Variants in CARHSP1 observed in about 807,000 individuals in gnomAD.
The protein encoded by CARHSP1 is calcium-regulated heat-stable protein 1.
In CARHSP1, 14 loss-of-function variants were observed where a neutral mutation model predicts 12.5. The observed-to-expected ratio is 1.12, with a 90% confidence interval of 0.74 to 1.75. CARHSP1 has a LOEUF of 1.75. CARHSP1 is among the 40% of genes most tolerant of loss of function. The pLI is 0.00. For synonymous variants in CARHSP1, 161 were observed against 82.0 expected (o/e 1.96, Z -5.20); for missense variants, 343 against 201.6 (o/e 1.70, Z -4.25).
intron 1 of CARHSP1, among the ~76,000 whole-genome samples, chr16:8,862,823 T>C (rs762789162): frequency 6.6e-6 from 1 of 152,250 alleles, no homozygotes; most frequent in South Asian, 2.1e-4. Context: ...ATCATCATCA[T>C]CACTGTCATT....
rs376661206 is a variant in CARHSP1 at position 8,861,517 on chromosome 16, G to A, written c.-7-2182C>T. ...TTCAAGCATAGCCACCCAAGAACCA[G>A]GCCCGACTGCTCAGAGGAGAAGGGA... is the stretch of plus-strand genomic sequence containing the variant. On this transcript the variant is annotated intron_variant, in intron 1 of 3. Transcript: ENST00000311052. 5.6e-5 allele frequency: 56 copies of A among 1,008,886 alleles called. No homozygotes were observed. In the African/African-American group the frequency reaches 8.0e-4, roughly 14 times the overall value. The allele number at this position is 1,008,886 out of a possible 1,614,324, so 62.5% of individuals were successfully genotyped here.
In CARHSP1 at chr16:8,859,351, G is replaced by GC; in HGVS notation, c.-7-17dup. 1 of 1,591,926 alleles carries GC rather than the reference G, an allele frequency of 6.3e-7. No homozygotes were observed. The highest frequency in any genetic ancestry group is 8.5e-7 in the Non-Finnish European group (1 of 1,175,970). On this transcript the variant is annotated splice_polypyrimidine_tract_variant and intron_variant, in intron 1 of 3. Transcript: ENST00000311052. ...CATGGCTGACCTGGAAAGAGAAGAG[G>GC]CTGTCAGGGGCTCGTGCCTTGCAAG...
chr16:8,859,095 C>T lies in CARHSP1; in HGVS notation c.158+76G>A. ...GTCCGGGACATAGGCCCAAAAATGG[C>T]CAGAGACACAGTGAATCTCTGGCCT... On this transcript the variant is annotated intron_variant, in intron 2 of 3. Transcript: ENST00000311052. 6 of 1,410,256 alleles carry T rather than the reference C, an allele frequency of 4.3e-6. No individual in the cohort carries two copies. The South Asian group carries it at 4.3e-5, about 10-fold the overall frequency. 87.4% of individuals were successfully genotyped at this position (1,410,256 alleles called of 1,614,324 possible). A position where few individuals can be genotyped will look rare whatever the true frequency, so the allele number is the denominator to read the frequency against.
At position 8,859,225 on chromosome 16, in the gene CARHSP1, C is replaced by A; in HGVS notation, c.104G>T (p.Arg35Leu). The A allele has an allele frequency of 1.2e-6, 2 of 1,601,246 alleles. No homozygotes were observed. The highest frequency in any genetic ancestry group is 1.7e-6 in the Non-Finnish European group (2 of 1,176,350). Residue 35 changes from arginine to leucine, a missense_variant, in exon 2 of 4, where the codon CGG becomes CTG. Transcript: ENST00000311052. ...RSRERSPSPLRGNVVPSPLPT... is the reference protein window; with the variant it reads ...RSRERSPSPLLGNVVPSPLPT... ...CAGTGGGCTTGGGACCACGTTGCCCCGCAGAGGGGATGGTGAGCGCTCACG... is the reference window on the plus strand; with the variant it reads ...CAGTGGGCTTGGGACCACGTTGCCCAGCAGAGGGGATGGTGAGCGCTCACG...
At chr16:8,868,294 C>CA (rs1481964892) in intron 1 of CARHSP1, 3 of 151,968 alleles carry the variant, frequency 2.0e-5, no homozygotes, top group Non-Finnish European at 4.4e-5. Flanking sequence ...TTTTAAAAAT[C>CA]AAAAAAGAAC....
chr16:8,868,868 G>T (rs2061487846), intron 1 of CARHSP1, 98 bp downstream of exon 1: 1 of 151,976 alleles, frequency 6.6e-6, no homozygotes, highest in African/African-American at 2.4e-5. Context: ...CAGGATGGGG[G>T]ACGATGGAGG....
In CARHSP1 at chr16:8,858,700, C is replaced by T. The variant is rs1363795355; in HGVS notation, c.159-228G>A. The T allele has an allele frequency of 5.5e-6, 3 of 541,952 alleles. No individual in the cohort carries two copies. The East Asian group carries it at 9.0e-5, about 16-fold the overall frequency. 33.6% of individuals were successfully genotyped at this position (541,952 alleles called of 1,614,324 possible). A position where few individuals can be genotyped will look rare whatever the true frequency, so the allele number is the denominator to read the frequency against. ...GGCCAATTTTCTCGGGCCTGTTTTC[C>T]CTCCTGGAAAGAGGGAGTTGAACTA... is the stretch of plus-strand genomic sequence containing the variant. On this transcript the variant is annotated intron_variant, in intron 2 of 3. Transcript: ENST00000311052.
intron 1 of CARHSP1, chr16:8,861,850 G>C: frequency 8.4e-7 from 1 of 1,191,164 alleles, no homozygotes; most frequent in Non-Finnish European, 1.1e-6. Flanking sequence ...CTGGCCCTGG[G>C]AGGGGAGGGC....
chr16:8,861,929 C>A (rs2061367531), intron 1 of CARHSP1: 1 of 510,594 alleles, frequency 2.0e-6, no homozygotes, highest in Non-Finnish European at 2.8e-6. Context: ...GAGACACTGC[C>A]CTGCCTTGTT....
intron 3 of CARHSP1, among the ~76,000 whole-genome samples, chr16:8,856,716 G>A (rs1400757365): frequency 6.6e-6 from 1 of 152,190 alleles, no homozygotes; most frequent in African/African-American, 2.4e-5. Flanking sequence ...GCTGTGCAGA[G>A]TAGGACTCTG....
chr16:8,866,082 T>C (rs2061449761), intron 1 of CARHSP1, among the ~76,000 whole-genome samples: 1 of 152,174 alleles, frequency 6.6e-6, no homozygotes, highest in African/African-American at 2.4e-5. Flanking sequence ...GCCTCCCAAG[T>C]AGCTGGGACT....
At chr16:8,860,165 C>A (rs1002902151) in intron 1 of CARHSP1, 8 of 985,336 alleles carry the variant, frequency 8.1e-6, no homozygotes, top group Non-Finnish European at 9.6e-6. Context: ...TCAAGCGCCA[C>A]GTTTGGATCC....
chr16:8,857,221 C>G (rs1469723439), intron 3 of CARHSP1, among the ~76,000 whole-genome samples: 1 of 148,994 alleles, frequency 6.7e-6, no homozygotes, highest in Admixed American at 6.8e-5. Context: ...ACCCCCAGAT[C>G]CATTTCCATC....
rs541632981 is a variant in CARHSP1, at chr16:8,857,877, T to C, written c.281+473A>G. Reference sequence around the variant, plus strand: ...CCCAGGTTCACACCATTCTCCTGCCTCAGCCTCCCGAGTAGCTGGGACTAC... The same window carrying C: ...CCCAGGTTCACACCATTCTCCTGCCCCAGCCTCCCGAGTAGCTGGGACTAC... On this transcript the variant is annotated intron_variant, in intron 3 of 3. Transcript: ENST00000311052. The C allele has an allele frequency of 5.2e-4, 81 of 156,902 alleles. No individual in the cohort carries two copies. In the Middle Eastern group the frequency reaches 0.017, roughly 33 times the overall value. The allele number at this position is 156,902 out of a possible 1,614,324, so 9.7% of individuals were successfully genotyped here.
At position 8,857,263 on chromosome 16, in the gene CARHSP1, G is replaced by GTTTTTTGTTTTTTGTTTTTTTTTTTTTTT. The variant is rs1315960023; in HGVS notation, c.281+1086_281+1087insAAAAAAAAAAAAAAACAAAAAACAAAAAA. ...TGGCTATGTGATCTTGGGCAGATCTGTTTTTTTTTTTTTTTTTTTTTTTTT... is the reference window on the plus strand; with the variant it reads ...TGGCTATGTGATCTTGGGCAGATCTGTTTTTTGTTTTTTGTTTTTTTTTTTTTTTTTTTTTTTTTTTTTTTTTTTTTTTT... On this transcript the variant is annotated intron_variant, in intron 3 of 3. Coordinates refer to ENST00000311052, the MANE Select transcript of CARHSP1 (RefSeq NM_014316.4). Among the ~76,000 whole-genome samples, 8 of 57,036 alleles carry GTTTTTTGTTTTTTGTTTTTTTTTTTTTTT rather than the reference G, an allele frequency of 1.4e-4. 1 individual carries two copies. Among genetic ancestry groups the GTTTTTTGTTTTTTGTTTTTTTTTTTTTTT allele is most frequent in the East Asian group, 1.8e-3 (2 of 1,120 alleles). 37.4% of individuals were successfully genotyped at this position (57,036 alleles called of 152,430 possible). A position where few individuals can be genotyped will look rare whatever the true frequency, so the allele number is the denominator to read the frequency against.
intron 2 of CARHSP1, 181 bp downstream of exon 2, chr16:8,858,990 C>A: frequency 1.8e-6 from 1 of 552,092 alleles, no homozygotes; most frequent in South Asian, 2.9e-5. Flanking sequence ...CTGGGCTGGG[C>A]AGTACCCTGA....
chr16:8,854,576 C>T lies in CARHSP1; in HGVS notation c.*588G>A, dbSNP rs3785172. On this transcript the variant is annotated 3_prime_UTR_variant, in exon 4 of 4. Transcript: ENST00000311052. ...CCACTGCAAAGGCACCAAAAGGCAA[C>T]ATCCGTCCAATCCAAAGACCGCCAC... The T allele has an allele frequency of 0.15, 22,226 of 152,874 alleles. 1,671 individuals are homozygous for T. Among genetic ancestry groups the T allele is most frequent in the East Asian group, 0.24 (1,236 of 5,178 alleles). 9.5% of individuals were successfully genotyped at this position (152,874 alleles called of 1,614,324 possible).
At position 8,855,168 on chromosome 16, in the gene CARHSP1, G is replaced by A. The variant is rs772968664; in HGVS notation, c.440C>T (p.Ser147Phe). 2 of 1,594,158 alleles carry A rather than the reference G, an allele frequency of 1.3e-6. No individual in the cohort carries two copies. Among genetic ancestry groups the A allele is most frequent in the Non-Finnish European group, 1.7e-6 (2 of 1,168,148 alleles). The change falls in exon 4 of 4, where the codon TCC (serine) becomes TTC (phenylalanine). Residue 147 changes from serine (S) to phenylalanine (F), a missense_variant. Ser to Phe is a radical substitution (Grantham distance 155). Coordinates refer to ENST00000311052, the MANE Select transcript of CARHSP1 (RefSeq NM_014316.4). The stretch of plus-strand genomic sequence containing the variant: ...AAGGGGTGCTTCCACCATCTCCTAG[G>A]AGCTGATGACATGTCCAGACCAGGT... ...HETWSGHVIS[S>F] is the part of the protein sequence containing the mutation.
At chr16:8,858,616 C>G in intron 2 of CARHSP1, 144 bp from the exon 3 acceptor site, 1 of 1,011,712 alleles carries the variant, frequency 9.9e-7, no homozygotes, top group Non-Finnish European at 1.4e-6. Flanking sequence ...ACTGCACAAC[C>G]CTCAACCCTG....
Sources: gnomAD v4.1 joint callset for allele counts (sites outside exome capture counted in the v4.1 genomes callset) on GRCh38, gnomAD v4.1.1 for gene constraint, MANE v1.5 for transcripts, NCBI Gene and HGNC (gene_info 2026-07-23, HGNC 2026-07-21) for gene names.